Variants in TSNARE1 observed in about 807,000 individuals in gnomAD.
TSNARE1 encodes the protein t-SNARE domain-containing protein 1.
In TSNARE1, 49 loss-of-function variants were observed where a neutral mutation model predicts 62.0. That is an observed-to-expected ratio of 0.79 (90% CI 0.63 to 1.00). The LOEUF is 1.00. TSNARE1 is among the 50% of genes least tolerant of loss of function. The pLI, the probability that TSNARE1 is intolerant of heterozygous loss-of-function variation, is 0.00. For synonymous variants in TSNARE1, 328 were observed against 294.4 expected (o/e 1.11, Z -1.17); for missense variants, 755 against 700.1 (o/e 1.08, Z -0.88).
At chr8:142,402,081 A>G (rs1838331212) in intron 1 of TSNARE1, among the ~76,000 whole-genome samples, 1 of 152,150 alleles carries the variant, frequency 6.6e-6, no homozygotes, top group African/African-American at 2.4e-5. Flanking sequence ...GAGCTCAGAC[A>G]TACCGGAAGC....
chr8:142,318,651 A>C lies in TSNARE1; in HGVS notation c.894-17T>G. On this transcript the variant is annotated splice_polypyrimidine_tract_variant and intron_variant, in intron 6 of 13. Coordinates refer to ENST00000524325, the MANE Select transcript of TSNARE1 (RefSeq NM_145003.5). Reference sequence around the variant, plus strand: ...GCCGTGTGCCTGGGGGCCGAGAAGGAGCCAGGAGCGAAGGCAGGGGAGGAA... The same window carrying C: ...GCCGTGTGCCTGGGGGCCGAGAAGGCGCCAGGAGCGAAGGCAGGGGAGGAA... 6.2e-7 allele frequency: 1 copy of C among 1,613,134 alleles called. No homozygotes were observed. The highest frequency in any genetic ancestry group is 8.5e-7 in the Non-Finnish European group (1 of 1,179,812).
chr8:142,253,104 C>A (rs1258385035), intron 12 of TSNARE1, among the ~76,000 whole-genome samples: 1 of 152,230 alleles, frequency 6.6e-6, no homozygotes, highest in East Asian at 1.9e-4. Flanking sequence ...GGGATAGAGA[C>A]CGGACGGGCA....
At chr8:142,363,193 T>A (rs1234887546) in intron 1 of TSNARE1, among the ~76,000 whole-genome samples, 1 of 152,068 alleles carries the variant, frequency 6.6e-6, no homozygotes, top group Non-Finnish European at 1.5e-5. Context: ...GGTAGAGCCA[T>A]CCCAAGACCA....
intron 10 of TSNARE1, among the ~76,000 whole-genome samples, chr8:142,297,737 C>A (rs1179412057): frequency 2.0e-5 from 3 of 152,230 alleles, no homozygotes; most frequent in Non-Finnish European, 4.4e-5. Context: ...GCCTCTCATG[C>A]GTCACGCTGG....
intron 11 of TSNARE1, chr8:142,279,941 TGAG>T: frequency 9.1e-7 from 1 of 1,102,962 alleles, no homozygotes; most frequent in African/African-American, 1.7e-5. Context: ...TCCACAGGTG[TGAG>T]GAGGAGGCCG....
chr8:142,353,848 C>T lies in TSNARE1; in HGVS notation c.88+789G>A, dbSNP rs963501661. 3.3e-5 allele frequency among the ~76,000 whole-genome samples: 5 copies of T among 152,162 alleles called. No individual in the cohort carries two copies. The East Asian group carries it at 9.7e-4, about 29-fold the overall frequency. On this transcript the variant is annotated intron_variant, in intron 2 of 13. Coordinates refer to ENST00000524325, the MANE Select transcript of TSNARE1 (RefSeq NM_145003.5). The stretch of plus-strand genomic sequence containing the variant: ...TCCCCAGCAGAGAAGGGCCCCACGG[C>T]GAGGGAGCCCCTGCCTGCACAGCTG...
intron 1 of TSNARE1, among the ~76,000 whole-genome samples, chr8:142,380,201 G>A (rs1263276002): frequency 6.6e-6 from 1 of 152,222 alleles, no homozygotes; most frequent in Admixed American, 6.5e-5. Context: ...GGACAGAAAC[G>A]GAGACACAGA....
chr8:142,371,847 T>C (rs1161563862), intron 1 of TSNARE1, among the ~76,000 whole-genome samples: 1 of 152,250 alleles, frequency 6.6e-6, no homozygotes, highest in Non-Finnish European at 1.5e-5. Flanking sequence ...CTGCCTCATC[T>C]GCAGTAAAGC....
intron 12 of TSNARE1, among the ~76,000 whole-genome samples, chr8:142,267,009 C>G (rs951897734): frequency 2.0e-5 from 3 of 152,168 alleles, no homozygotes; most frequent in Admixed American, 6.5e-5. Flanking sequence ...TTTCACAGAT[C>G]GGCCTAATCA....
chr8:142,367,179 T>A (rs1432884443), intron 1 of TSNARE1, among the ~76,000 whole-genome samples: 2 of 152,214 alleles, frequency 1.3e-5, no homozygotes, highest in East Asian at 3.8e-4. Flanking sequence ...CACAAAGACG[T>A]CAGTTTTCCT....
intron 11 of TSNARE1, chr8:142,275,378 G>A (rs1457094540): frequency 1.0e-6 from 1 of 985,304 alleles, no homozygotes; most frequent in East Asian, 1.1e-4. Flanking sequence ...AGAAAGTTGT[G>A]CTGCCGTGCG....
In TSNARE1 at chr8:142,319,948, G is replaced by A. The variant is rs1363729889; in HGVS notation, c.894-1314C>T. 6.6e-6 allele frequency among the ~76,000 whole-genome samples: 1 copy of A among 152,134 alleles called. No homozygotes were observed. Among genetic ancestry groups the A allele is most frequent in the Non-Finnish European group, 1.5e-5 (1 of 68,014 alleles). On this transcript the variant is annotated intron_variant, in intron 6 of 13. Coordinates refer to ENST00000524325, the MANE Select transcript of TSNARE1 (RefSeq NM_145003.5). This position sits in a 1 kb window ranked among gnomAD's most constrained non-coding sequence, Gnocchi z 4.9. ...GCCTCCTCCTGCAGCTGGCGTCTGA[G>A]GCTTTGGAGAGCCTCCAGTGCCTCC...
At chr8:142,222,164 A>AC (rs1816313574) in intron 13 of TSNARE1, among the ~76,000 whole-genome samples, 1 of 139,086 alleles carries the variant, frequency 7.2e-6, no homozygotes, top group Non-Finnish European at 1.6e-5. Context: ...TCATCCACTC[A>AC]TCCACTCACT....
At position 142,276,487 on chromosome 8, in the gene TSNARE1, C is replaced by T. The variant is rs369607023; in HGVS notation, c.1364-1624G>A. 5.9e-5 allele frequency: 58 copies of T among 985,486 alleles called. 1 individual carries two copies. The African/African-American group carries it at 8.0e-4, about 14-fold the overall frequency. 61.0% of individuals were successfully genotyped at this position (985,486 alleles called of 1,614,324 possible). A position where few individuals can be genotyped will look rare whatever the true frequency, so the allele number is the denominator to read the frequency against. On this transcript the variant is annotated intron_variant, in intron 11 of 13. Coordinates refer to ENST00000524325, the MANE Select transcript of TSNARE1 (RefSeq NM_145003.5). ...ACCTTACACCTGCAGTGGTAACAGC[C>T]TGGCCTCGCTTCTGTTGCTGAGAGG...
At chr8:142,360,622 C>G (rs955283762) in intron 1 of TSNARE1, among the ~76,000 whole-genome samples, 6 of 152,044 alleles carry the variant, frequency 3.9e-5, no homozygotes, top group African/African-American at 1.4e-4. Context: ...CTCCCCAGGG[C>G]CCCCGCCCCC....
chr8:142,229,335 G>C, intron 13 of TSNARE1, 138 bp downstream of exon 13: 1 of 704,266 alleles, frequency 1.4e-6, no homozygotes, highest in Non-Finnish European at 2.5e-6. Context: ...ATGGACAGAT[G>C]GACGGTAGAC....
At chr8:142,220,810 G>A (rs936755214) in intron 13 of TSNARE1, among the ~76,000 whole-genome samples, 3 of 152,162 alleles carry the variant, frequency 2.0e-5, no homozygotes, top group Non-Finnish European at 4.4e-5. Flanking sequence ...TAAAAACCTG[G>A]CCTGGCACCC....
chr8:142,287,371 G>T (rs1410918678), intron 10 of TSNARE1, among the ~76,000 whole-genome samples: 7 of 119,084 alleles, frequency 5.9e-5, no homozygotes, highest in African/African-American at 1.4e-4. Flanking sequence ...CAGATCTCAG[G>T]GACAGTGGGC....
intron 10 of TSNARE1, among the ~76,000 whole-genome samples, chr8:142,286,047 C>T (rs1243647557): frequency 6.6e-6 from 1 of 152,170 alleles, no homozygotes; most frequent in African/African-American, 2.4e-5. Context: ...CCCTGCCCAC[C>T]GACCAGATGC....
Sources: allele counts gnomAD v4.1 joint callset (sites outside exome capture counted in the v4.1 genomes callset), GRCh38; gene constraint gnomAD v4.1.1; non-coding constraint Gnocchi (gnomAD v3.1); transcripts MANE v1.5; gene names NCBI Gene and HGNC (gene_info 2026-07-23, HGNC 2026-07-21).